Variants in UBR4 observed in about 807,000 individuals in gnomAD.
The protein encoded by UBR4 is E3 ubiquitin-protein ligase UBR4.
UBR4 carries 124 observed loss-of-function variants against 575.6 expected under a neutral mutation model. The ratio of observed to expected loss-of-function variants is 0.22; its 90% confidence interval spans 0.19 to 0.25. UBR4 has a LOEUF of 0.25. UBR4 is among the 10% of genes least tolerant of loss of function. The probability of loss-of-function intolerance (pLI) is 1.00; values close to 1 mark genes in which losing one functional copy is unlikely to be tolerated. For synonymous variants in UBR4, 2,455 were observed against 2,473.7 expected (o/e 0.99, Z 0.22); for missense variants, 4,818 against 6,478.8 (o/e 0.74, Z 8.80).
chr1:19,192,306 G>GCCAACCTCAT lies in UBR4; in HGVS notation c.1275_1276insATGAGGTTGG (p.Pro426MetfsTer9). On this transcript the variant is annotated frameshift_variant, in exon 11 of 106. Transcript: ENST00000375254. LOFTEE classifies it high-confidence loss of function. Reference sequence around the variant, plus strand: ...TTCCCCTTATCAGCCAACGCAGTAGGACTGAGGTTCAGTATGAGGAAAAGG... The same window carrying GCCAACCTCAT: ...TTCCCCTTATCAGCCAACGCAGTAGGCCAACCTCATACTGAGGTTCAGTATGAGGAAAAGG... The GCCAACCTCAT allele has an allele frequency of 6.2e-7, 1 of 1,614,022 alleles. No individual in the cohort carries two copies. Among genetic ancestry groups the GCCAACCTCAT allele is most frequent in the African/African-American group, 1.3e-5 (1 of 74,906 alleles).
intron 101 of UBR4, 66 bp downstream of exon 101, chr1:19,086,079 T>C (rs922953424): frequency 7.7e-5 from 121 of 1,577,650 alleles, no homozygotes; most frequent in Non-Finnish European, 1.0e-4. Flanking sequence ...ATTGGGCTGA[T>C]AGCGGGTCTT....
At chr1:19,080,601 G>C (rs555189616) in intron 103 of UBR4, 2 of 152,316 alleles carry the variant, frequency 1.3e-5, no homozygotes, top group East Asian at 3.9e-4. Flanking sequence ...TTCACTCGAG[G>C]GACAGAAGCA....
Position 19,184,027 on chromosome 1 carries a change from T to C in UBR4, c.2087A>G (p.Asp696Gly). 2.5e-6 allele frequency: 4 copies of C among 1,614,182 alleles called. No homozygotes were observed. Among genetic ancestry groups the C allele is most frequent in the Non-Finnish European group, 3.4e-6 (4 of 1,180,012 alleles). ...TCTTGTCTACTGACCCTTGAGTCCA[T>C]CTTTGTCCACCTCCTTGATGATACT... ...LASIIKEVDKDGLKGSSDEEF... is the reference protein window; with the variant it reads ...LASIIKEVDKGGLKGSSDEEF... The change falls in exon 16 of 106, where the codon GAT becomes GGT. Residue 696 changes from aspartate (D) to glycine (G), a missense_variant. Physicochemically the swap from Asp to Gly is moderately conservative, Grantham distance 94. Transcript: ENST00000375254.
Position 19,198,554 on chromosome 1 carries a change from C to T in UBR4, c.635G>A (p.Ser212Asn). Residue 212 changes from serine (S) to asparagine (N), a missense_variant, in exon 5 of 106, where the codon AGT becomes AAT. Ser to Asn is a conservative substitution (Grantham distance 46, BLOSUM62 1). This residue lies in a region of UBR4 where 83 missense variants were observed against 77.3 expected (regional missense o/e 1.07). Transcript: ENST00000375254. ...NPRTVASQPI[S>N]TQTLVEGEND... ...AAAGAAACTCACCAGAGTCTGTGTACTGATAGGTTGTGATGCTACAGTTCT... is the reference window on the plus strand; with the variant it reads ...AAAGAAACTCACCAGAGTCTGTGTATTGATAGGTTGTGATGCTACAGTTCT... 1 of 1,614,048 alleles carries T rather than the reference C, an allele frequency of 6.2e-7. No individual in the cohort carries two copies. The highest frequency in any genetic ancestry group is 1.1e-5 in the South Asian group (1 of 91,066).
chr1:19,152,257 C>A lies in UBR4; in HGVS notation c.6996+56G>T. The A allele has an allele frequency of 6.3e-7, 1 of 1,594,660 alleles. No homozygotes were observed. The highest frequency in any genetic ancestry group is 8.6e-7 in the Non-Finnish European group (1 of 1,164,796). Reference sequence around the variant, plus strand: ...TCTAAAAGGAGATGTGTTCTCAAACCATATTGTTTGAGTCCTTCTACCCAG... The same window carrying A: ...TCTAAAAGGAGATGTGTTCTCAAACAATATTGTTTGAGTCCTTCTACCCAG... On this transcript the variant is annotated intron_variant, in intron 47 of 105. Transcript: ENST00000375254. This position sits in a 1 kb window ranked among gnomAD's most constrained non-coding sequence, Gnocchi z 4.4.
chr1:19,197,959 G>T lies in UBR4; in HGVS notation c.739C>A (p.Leu247Ile). ...TTGGGAGTCTTACCAAGCTCTTGAA[G>T]ACTAGCCACGTTCTGAGCTATGAAC... ...NVFIAQNVAS[L>I]QELGGSEKLL... Residue 247 changes from leucine to isoleucine, a missense_variant, in exon 6 of 106, where the codon CTT (leucine) becomes ATT (isoleucine). Physicochemically the swap from Leu to Ile is conservative, Grantham distance 5. Transcript: ENST00000375254. The T allele has an allele frequency of 6.2e-7, 1 of 1,614,154 alleles. No individual in the cohort carries two copies. Among genetic ancestry groups the T allele is most frequent in the African/African-American group, 1.3e-5 (1 of 75,038 alleles).
rs750774068 is a variant in UBR4 at position 19,207,632 on chromosome 1, AAAAT to A, written c.176+2437_176+2440del. On this transcript the variant is annotated intron_variant, in intron 1 of 105. Coordinates refer to ENST00000375254, the MANE Select transcript of UBR4 (RefSeq NM_020765.3). ...TGACACAGCAAGACTCTGTCTCCAA[AAAAT>A]AAATAAATAAATAAAACTTTTGAAA... Among the ~76,000 whole-genome samples, 127 of 152,208 alleles carry A rather than the reference AAAAT, an allele frequency of 8.3e-4. 3 individuals carry two copies. The highest frequency in any genetic ancestry group is 1.8e-4 in the Non-Finnish European group (12 of 68,038).
chr1:19,161,988 G>C (rs1244136988), intron 35 of UBR4, 91 bp from the exon 36 acceptor site: 1 of 1,428,974 alleles, frequency 7.0e-7, no homozygotes, highest in African/African-American at 1.4e-5. Flanking sequence ...CTATGGCGGG[G>C]TGAATAGTTG....
intron 29 of UBR4, among the ~76,000 whole-genome samples, chr1:19,166,714 CAAAAAAAAAAA>C (rs535369262): frequency 1.1e-3 from 82 of 73,722 alleles, no homozygotes; most frequent in East Asian, 0.011. Flanking sequence ...CCATCTCTAC[CAAAAAAAAAAA>C]AAAAAAAAAA....
Position 19,113,610 on chromosome 1 carries a change from G to A in UBR4, c.11457+89C>T. ...CAGGGACAACACCAAGACCTGGACT[G>A]CTAGATGAGAGAGCAGCAGGACTGC... On this transcript the variant is annotated intron_variant, in intron 77 of 105. Transcript: ENST00000375254. 2.6e-6 allele frequency: 4 copies of A among 1,565,068 alleles called. No homozygotes were observed. The South Asian group carries it at 4.8e-5, about 19-fold the overall frequency.
chr1:19,128,256 G>T lies in UBR4; in HGVS notation c.9066C>A (p.Asp3022Glu). Residue 3022 changes from aspartate to glutamate, a missense_variant, in exon 62 of 106, where the codon GAC becomes GAA. Around this residue, in one of 29 missense-constraint regions of UBR4, gnomAD observed 550 missense variants for 791.5 expected, o/e 0.69. Coordinates refer to ENST00000375254, the MANE Select transcript of UBR4 (RefSeq NM_020765.3). ...CAGCAATAAGCTGGGAGAGCAGGTT[G>T]TCTAGGGCCCCCTTGTCTTTCTCAT... Reference protein sequence around the residue: ...GEDEKDKGALDNLLSQLIAEL... With the variant: ...GEDEKDKGALENLLSQLIAEL... The T allele has an allele frequency of 6.2e-7, 1 of 1,614,086 alleles. No homozygotes were observed. Among genetic ancestry groups the T allele is most frequent in the Non-Finnish European group, 8.5e-7 (1 of 1,179,966 alleles).
chr1:19,194,432 G>T (rs1275639044), intron 8 of UBR4, among the ~76,000 whole-genome samples: 2 of 152,156 alleles, frequency 1.3e-5, no homozygotes, highest in African/African-American at 4.8e-5. Context: ...AGGCTACAGT[G>T]AGTTATAATC....
At position 19,198,595 on chromosome 1, in the gene UBR4, G is replaced by T. The variant is rs2092592765; in HGVS notation, c.594C>A (p.Thr198=). Residue 198 remains threonine, a synonymous_variant, in exon 5 of 106, where the codon ACC becomes ACA. Transcript: ENST00000375254. The part of the protein sequence containing the change: ...EVQMNFLNQL[T]SVFNPRTVAS... ...CTACAGTTCTAGGGTTAAAAACTGA[G>T]GTCAGCTGGTTCAAAAAATTCATCT... 1.2e-6 allele frequency: 2 copies of T among 1,614,102 alleles called. No individual in the cohort carries two copies. Among genetic ancestry groups the T allele is most frequent in the African/African-American group, 2.7e-5 (2 of 75,014 alleles).
intron 75 of UBR4, 124 bp from the exon 76 acceptor site, chr1:19,114,194 ATC>A: frequency 8.0e-7 from 1 of 1,251,896 alleles, no homozygotes; most frequent in Non-Finnish European, 1.1e-6. Flanking sequence ...TTCATACATT[ATC>A]TCTGTTCTTC....
At chr1:19,180,561 C>T (rs181147740) in intron 17 of UBR4, among the ~76,000 whole-genome samples, 1 of 148,952 alleles carries the variant, frequency 6.7e-6, no homozygotes, top group Non-Finnish European at 1.5e-5. Flanking sequence ...AAAAAACCTA[C>T]CTGAGCTACA....
intron 60 of UBR4, among the ~76,000 whole-genome samples, chr1:19,135,570 G>A (rs1392957712): frequency 7.2e-5 from 11 of 152,138 alleles, no homozygotes; most frequent in Non-Finnish European, 1.5e-4. Flanking sequence ...ATTGTACAGT[G>A]TTCAGAGTAG....
At chr1:19,107,883 A>G (rs1020870471) in intron 81 of UBR4, among the ~76,000 whole-genome samples, 13 of 152,226 alleles carry the variant, frequency 8.5e-5, no homozygotes, top group Non-Finnish European at 1.6e-4. Flanking sequence ...CATAAATTTT[A>G]TATTTTCCAA....
At chr1:19,121,873 T>A (rs2081219461) in intron 67 of UBR4, 61 bp downstream of exon 67, 1 of 1,578,312 alleles carries the variant, frequency 6.3e-7, no homozygotes, top group East Asian at 2.2e-5. Flanking sequence ...TGGCATATAG[T>A]AGGCCTTAAC....
intron 17 of UBR4, among the ~76,000 whole-genome samples, chr1:19,182,136 C>T (rs371106029): frequency 3.3e-5 from 5 of 152,166 alleles, no homozygotes; most frequent in African/African-American, 1.2e-4. Context: ...TCACAATTTC[C>T]TTCCTTCTGA....
Sources: allele counts gnomAD v4.1 joint callset (sites outside exome capture counted in the v4.1 genomes callset), GRCh38; gene constraint gnomAD v4.1.1; regional missense constraint gnomAD v4.1.1; non-coding constraint Gnocchi (gnomAD v3.1); transcripts MANE v1.5; gene names NCBI Gene and HGNC (gene_info 2026-07-23, HGNC 2026-07-21).